AGAP1: variants seen among roughly 807,000 people sequenced by gnomAD.
AGAP1 encodes ArfGAP with GTPase domain, ankyrin repeat and PH domain 1, also known as arf-GAP with GTPase, ANK repeat and PH domain-containing protein 1.
In AGAP1, 29 loss-of-function variants were observed where a neutral mutation model predicts 105.3. That is an observed-to-expected ratio of 0.28 (90% CI 0.21 to 0.38). AGAP1 has a LOEUF of 0.38. Among genes scored for constraint, AGAP1 ranks in the 10% least tolerant of loss-of-function variants. The pLI is 1.00. For synonymous variants in AGAP1, 509 were observed against 485.9 expected (o/e 1.05, Z -0.63); for missense variants, 998 against 1,165.1 (o/e 0.86, Z 2.09).
intron 9 of AGAP1, among the ~76,000 whole-genome samples, chr2:235,817,162 C>T (rs1438325659): frequency 2.0e-5 from 3 of 152,114 alleles, no homozygotes; most frequent in South Asian, 4.1e-4. Flanking sequence ...AACCGTGGAA[C>T]TTATGGCACT....
rs1485432298 is a variant in AGAP1, at chr2:236,128,207, C to T, written c.*4085C>T. 1 of 152,302 alleles carries T rather than the reference C, an allele frequency of 6.6e-6. No homozygotes were observed. Among genetic ancestry groups the T allele is most frequent in the Non-Finnish European group, 1.5e-5 (1 of 68,156 alleles). The allele number at this position is 152,302 out of a possible 1,614,324, so 9.4% of individuals were successfully genotyped here. Reference sequence around the variant, plus strand: ...CTCTCTGGAACCTGCCCACTTTTCTCAACATGTATATTCTGCTTTGTAGTC... The same window carrying T: ...CTCTCTGGAACCTGCCCACTTTTCTTAACATGTATATTCTGCTTTGTAGTC... On this transcript the variant is annotated 3_prime_UTR_variant, in exon 18 of 18. Transcript: ENST00000304032. The surrounding 1 kb of genome is among the most constrained non-coding windows in gnomAD (Gnocchi z 5.9).
chr2:235,704,773 AG>A (rs1450602223), intron 1 of AGAP1, among the ~76,000 whole-genome samples: 1 of 152,098 alleles, frequency 6.6e-6, no homozygotes, highest in Non-Finnish European at 1.5e-5. Flanking sequence ...GCAGATAATG[AG>A]GGAGGGATTT....
intron 8 of AGAP1, among the ~76,000 whole-genome samples, chr2:235,806,206 GTC>G (rs1957826376): frequency 6.6e-6 from 1 of 152,144 alleles, no homozygotes; most frequent in African/African-American, 2.4e-5. Flanking sequence ...ACACCACAAA[GTC>G]TGTTCATTTC....
intron 6 of AGAP1, among the ~76,000 whole-genome samples, chr2:235,766,099 G>A (rs1954928624): frequency 6.6e-6 from 1 of 152,174 alleles, no homozygotes; most frequent in Admixed American, 6.5e-5. Flanking sequence ...AGAAGCCATT[G>A]GCTACATTAA....
chr2:235,774,274 C>G (rs1226719784), intron 6 of AGAP1: 4 of 450,664 alleles, frequency 8.9e-6, no homozygotes, highest in Admixed American at 8.0e-5. Context: ...CTCCCCTATC[C>G]ACAGCCATCA....
intron 1 of AGAP1, among the ~76,000 whole-genome samples, chr2:235,542,901 A>G (rs1943491824): frequency 6.6e-6 from 1 of 152,154 alleles, no homozygotes; most frequent in Non-Finnish European, 1.5e-5. Context: ...TGTGAATTGC[A>G]CCACCCAAGG....
Position 236,113,574 on chromosome 2 carries a change from C to T in AGAP1, c.2115-6618C>T, listed in dbSNP as rs544251659. ...ATTACACCTTGCCAGCTGAGTCATG[C>T]AGTGGATTTGGCATGGCAGGCACTA... On this transcript the variant is annotated intron_variant, in intron 16 of 17. Coordinates refer to ENST00000304032, the MANE Select transcript of AGAP1 (RefSeq NM_001037131.3). This position sits in a 1 kb window ranked among gnomAD's most constrained non-coding sequence, Gnocchi z 4.3. Among the ~76,000 whole-genome samples the T allele has an allele frequency of 3.3e-5, 5 of 152,318 alleles. No homozygotes were observed. Among genetic ancestry groups the T allele is most frequent in the African/African-American group, 9.6e-5 (4 of 41,572 alleles).
At chr2:235,767,567 G>A (rs1268767630) in intron 6 of AGAP1, among the ~76,000 whole-genome samples, 1 of 152,178 alleles carries the variant, frequency 6.6e-6, no homozygotes, top group Non-Finnish European at 1.5e-5. Context: ...AGCATGACGG[G>A]AGTTGATCAT....
Position 235,739,859 on chromosome 2 carries a change from G to A in AGAP1, c.311-1104G>A, listed in dbSNP as rs991173145. Among the ~76,000 whole-genome samples the A allele has an allele frequency of 6.6e-6, 1 of 152,208 alleles. No individual in the cohort carries two copies. Among genetic ancestry groups the A allele is most frequent in the Non-Finnish European group, 1.5e-5 (1 of 68,042 alleles). ...TCTAGGAGGGAAGGTTCCCGTCGCA[G>A]GGGAGGGAATCAGACGTCGCTCTGG... On this transcript the variant is annotated intron_variant, in intron 3 of 17. Transcript: ENST00000304032. This position sits in a 1 kb window ranked among gnomAD's most constrained non-coding sequence, Gnocchi z 5.3.
At chr2:235,998,059 C>T (rs2055894609) in intron 13 of AGAP1, among the ~76,000 whole-genome samples, 1 of 152,136 alleles carries the variant, frequency 6.6e-6, no homozygotes, top group Admixed American at 6.5e-5. Context: ...GAGAGACTAA[C>T]AAAGGATTGA....
In AGAP1 at chr2:235,891,317, G is replaced by A. The variant is rs1056803335; in HGVS notation, c.1155+7868G>A. ...GCTGCTCTGCGGTCTACATTTTTGT[G>A]TCTTTGAAAAATTGTATGTCTCCAA... On this transcript the variant is annotated intron_variant, in intron 10 of 17. Coordinates refer to ENST00000304032, the MANE Select transcript of AGAP1 (RefSeq NM_001037131.3). This position sits in a 1 kb window ranked among gnomAD's most constrained non-coding sequence, Gnocchi z 4.2. Among the ~76,000 whole-genome samples the A allele has an allele frequency of 6.6e-6, 1 of 152,130 alleles. No individual in the cohort carries two copies. The highest frequency in any genetic ancestry group is 1.5e-5 in the Non-Finnish European group (1 of 68,026).
At chr2:235,546,710 C>T (rs1434292995) in intron 1 of AGAP1, among the ~76,000 whole-genome samples, 1 of 152,080 alleles carries the variant, frequency 6.6e-6, no homozygotes, top group Non-Finnish European at 1.5e-5. Context: ...GGTTTGGAGT[C>T]CAGAACCACA....
At chr2:235,778,025 C>T (rs1380843008) in intron 6 of AGAP1, among the ~76,000 whole-genome samples, 2 of 152,108 alleles carry the variant, frequency 1.3e-5, no homozygotes, top group African/African-American at 2.4e-5. Flanking sequence ...TGTGTTTCAC[C>T]GAGGCACTCA....
Position 236,101,121 on chromosome 2 carries a change from G to C in AGAP1, c.2115-19071G>C, listed in dbSNP as rs970325527. Among the ~76,000 whole-genome samples the C allele has an allele frequency of 3.3e-5, 5 of 152,194 alleles. No homozygotes were observed. Among genetic ancestry groups the C allele is most frequent in the Admixed American group, 2.0e-4 (3 of 15,278 alleles). ...TTTGAAAAAAGTCAAAATCCAAATT[G>C]ATTTTCAATGTGTTTCCCTTTGGTT... On this transcript the variant is annotated intron_variant, in intron 16 of 17. Transcript: ENST00000304032. The surrounding 1 kb of genome is among the most constrained non-coding windows in gnomAD (Gnocchi z 4.9).
intron 9 of AGAP1, chr2:235,853,331 C>A: frequency 3.3e-6 from 2 of 606,078 alleles, no homozygotes; most frequent in Non-Finnish European, 4.1e-6. Context: ...GTTTTAGGAA[C>A]AGGGAATGTT....
rs538886862 is a variant in AGAP1, at chr2:235,599,422, G to A, written c.163+104573G>A. Among the ~76,000 whole-genome samples the A allele has an allele frequency of 8.4e-4, 128 of 152,258 alleles. 1 individual carries two copies. The highest frequency in any genetic ancestry group is 3.0e-3 in the African/African-American group (124 of 41,552). ...TGCAGGGTGAGCTCTGGGCGACCCAGGAGGAAGTATTTGCATGAATTAGCC... is the reference window on the plus strand; with the variant it reads ...TGCAGGGTGAGCTCTGGGCGACCCAAGAGGAAGTATTTGCATGAATTAGCC... On this transcript the variant is annotated intron_variant, in intron 1 of 17. Coordinates refer to ENST00000304032, the MANE Select transcript of AGAP1 (RefSeq NM_001037131.3). This position sits in a 1 kb window ranked among gnomAD's most constrained non-coding sequence, Gnocchi z 5.3.
In AGAP1 at chr2:235,908,679, G is replaced by C; in HGVS notation, c.1156-59G>C. On this transcript the variant is annotated intron_variant, in intron 10 of 17. Coordinates refer to ENST00000304032, the MANE Select transcript of AGAP1 (RefSeq NM_001037131.3). This position sits in a 1 kb window ranked among gnomAD's most constrained non-coding sequence, Gnocchi z 4.4. ...ACGTCTGATAGACCCTTTTGTTCTAGGTTGTAAAAGGTCTTTTTTTTTTTT... is the reference window on the plus strand; with the variant it reads ...ACGTCTGATAGACCCTTTTGTTCTACGTTGTAAAAGGTCTTTTTTTTTTTT... 1 of 1,466,882 alleles carries C rather than the reference G, an allele frequency of 6.8e-7. No individual in the cohort carries two copies. Among genetic ancestry groups the C allele is most frequent in the Non-Finnish European group, 9.2e-7 (1 of 1,089,948 alleles). 90.9% of individuals were successfully genotyped at this position (1,466,882 alleles called of 1,614,324 possible). A position where few individuals can be genotyped will look rare whatever the true frequency, so the allele number is the denominator to read the frequency against.
chr2:235,834,462 C>G (rs1959875149), intron 9 of AGAP1, among the ~76,000 whole-genome samples: 1 of 152,134 alleles, frequency 6.6e-6, no homozygotes, highest in Admixed American at 6.5e-5. Context: ...CCTCGTGCAC[C>G]CACCCAGGCC....
intron 1 of AGAP1, among the ~76,000 whole-genome samples, chr2:235,503,658 T>C (rs1046072215): frequency 8.5e-5 from 13 of 152,156 alleles, no homozygotes; most frequent in Admixed American, 7.2e-4. Flanking sequence ...GCAGTGGCAC[T>C]ATTGGGGCTC....
Sources: gnomAD v4.1 joint callset for allele counts (sites outside exome capture counted in the v4.1 genomes callset) on GRCh38, gnomAD v4.1.1 for gene constraint, Gnocchi (gnomAD v3.1) non-coding constraint, MANE v1.5 for transcripts, NCBI Gene and HGNC (gene_info 2026-07-23, HGNC 2026-07-21) for gene names.